The following SHCBP1L variants were observed in gnomAD, a reference collection of about 807,000 sequenced individuals.
SHCBP1L encodes SHC binding and spindle associated 1 like.
In SHCBP1L, 67 loss-of-function variants were observed where a neutral mutation model predicts 62.5. The observed-to-expected ratio is 1.07, with a 90% CI of 0.88 to 1.31. SHCBP1L has a LOEUF of 1.31. Ranked by LOEUF, SHCBP1L falls within the 40% of genes most tolerant of loss-of-function variation. The pLI is 0.00. For missense variants in SHCBP1L, 823 were observed against 809.8 expected (o/e 1.02, Z -0.20); for synonymous variants, 284 against 289.4 (o/e 0.98, Z 0.19).
chr1:182,949,620 C>G (rs1651681242), intron 2 of SHCBP1L, among the ~76,000 whole-genome samples: 1 of 151,440 alleles, frequency 6.6e-6, no homozygotes, highest in Non-Finnish European at 1.5e-5. Context: ...CTGCTTGAAA[C>G]CTAGAGGAAG....
intron 5 of SHCBP1L, among the ~76,000 whole-genome samples, chr1:182,933,346 C>T (rs965877950): frequency 6.6e-6 from 1 of 152,136 alleles, no homozygotes; most frequent in Non-Finnish European, 1.5e-5. Flanking sequence ...TGCCTAATTG[C>T]TCTGGCTAGA....
intron 6 of SHCBP1L, among the ~76,000 whole-genome samples, chr1:182,911,026 A>C (rs1266621307): frequency 6.6e-6 from 1 of 151,982 alleles, no homozygotes; most frequent in East Asian, 1.9e-4. Context: ...ACTAGCTGGG[A>C]TTACAGGTGT....
intron 2 of SHCBP1L, among the ~76,000 whole-genome samples, chr1:182,943,065 CA>C (rs1321841390): frequency 6.6e-6 from 1 of 151,938 alleles, no homozygotes; most frequent in Non-Finnish European, 1.5e-5. Context: ...AATATATTTC[CA>C]AAGAGTCATT....
chr1:182,919,312 C>A (rs1650450377), intron 6 of SHCBP1L, among the ~76,000 whole-genome samples: 1 of 152,168 alleles, frequency 6.6e-6, no homozygotes, highest in Admixed American at 6.5e-5. Context: ...ACCTTGCCTG[C>A]CACTTGGATC....
chr1:182,915,094 G>A lies in SHCBP1L; in HGVS notation c.1183-9445C>T, dbSNP rs140490076. 5.9e-3 allele frequency among the ~76,000 whole-genome samples: 847 copies of A among 144,296 alleles called. 7 individuals are homozygous for A. Among genetic ancestry groups the A allele is most frequent in the African/African-American group, 0.019 (739 of 38,448 alleles). The allele number at this position is 144,296 out of a possible 152,430, so 94.7% of individuals were successfully genotyped here. On this transcript the variant is annotated intron_variant, in intron 6 of 9. Coordinates refer to ENST00000367547, the MANE Select transcript of SHCBP1L (RefSeq NM_030933.4). ...GGAGAATCACTTGAACCTGGGAGGC[G>A]GAAGTTGCAGTGAGCTGAGATCGCA...
At chr1:182,925,755 C>T (rs765888233) in intron 6 of SHCBP1L, among the ~76,000 whole-genome samples, 29 of 152,222 alleles carry the variant, frequency 1.9e-4, no homozygotes, top group Non-Finnish European at 1.5e-4. Flanking sequence ...CTCTTGCACA[C>T]AGATGTTCAC....
At chr1:182,911,002 GC>G (rs1198523520) in intron 6 of SHCBP1L, among the ~76,000 whole-genome samples, 2 of 152,000 alleles carry the variant, frequency 1.3e-5, no homozygotes, top group Non-Finnish European at 2.9e-5. Flanking sequence ...CGATTCTCCT[GC>G]CTCAGCCTCC....
At chr1:182,912,110 C>T (rs796935618) in intron 6 of SHCBP1L, among the ~76,000 whole-genome samples, 8 of 152,278 alleles carry the variant, frequency 5.3e-5, no homozygotes, top group African/African-American at 1.9e-4. Context: ...TCTAATATTC[C>T]TGTGCTTTTC....
At chr1:182,924,701 G>GAAGAAAGAAAGACAGA (rs1650628204) in intron 6 of SHCBP1L, among the ~76,000 whole-genome samples, 1 of 33,354 alleles carries the variant, frequency 3.0e-5, no homozygotes, top group Non-Finnish European at 5.7e-5. Context: ...GAAAGGAAAG[G>GAAGAAAGAAAGACAGA]AAGAAAGAAA....
At chr1:182,937,046 C>T (rs527461931) in intron 5 of SHCBP1L, among the ~76,000 whole-genome samples, 3 of 151,622 alleles carry the variant, frequency 2.0e-5, no homozygotes, top group African/African-American at 7.3e-5. Flanking sequence ...AGGGCAAGAC[C>T]CTGTCTCAGA....
chr1:182,914,174 G>C (rs1362060351), intron 6 of SHCBP1L, among the ~76,000 whole-genome samples: 1 of 151,860 alleles, frequency 6.6e-6, no homozygotes, highest in Non-Finnish European at 1.5e-5. Context: ...TCTATATCTA[G>C]AAAAAATACC....
At chr1:182,913,352 C>T (rs1458978849) in intron 6 of SHCBP1L, among the ~76,000 whole-genome samples, 3 of 152,118 alleles carry the variant, frequency 2.0e-5, no homozygotes, top group Non-Finnish European at 4.4e-5. Context: ...GAATGTGACA[C>T]TATCTACTGT....
At chr1:182,905,738 T>C in intron 6 of SHCBP1L, 89 bp from the exon 7 acceptor site, 1 of 1,246,106 alleles carries the variant, frequency 8.0e-7, no homozygotes, top group Non-Finnish European at 1.1e-6. Flanking sequence ...CAAGTACTTT[T>C]CCCAAAAGAC....
chr1:182,905,551 T>G lies in SHCBP1L; in HGVS notation c.1281A>C (p.Pro427=). The G allele has an allele frequency of 6.2e-7, 1 of 1,613,810 alleles. No individual in the cohort carries two copies. The highest frequency in any genetic ancestry group is 2.2e-5 in the East Asian group (1 of 44,766). ...CAAGATTTGCAGCTTGATATTCTCC[T>G]GGAAAAATTATTACTGTATCTCCAC... ...CYSGDTVIIF[P]GEYQAANLAL... is the part of the protein sequence containing the mutation. The change falls in exon 7 of 10, where the codon CCA becomes CCC. Residue 427 remains proline, a synonymous_variant. Transcript: ENST00000367547.
intron 2 of SHCBP1L, chr1:182,950,476 G>C (rs1210138841): frequency 1.3e-5 from 2 of 151,870 alleles, no homozygotes; most frequent in Admixed American, 1.3e-4. Flanking sequence ...AGATCACAAG[G>C]TTAGGAGTTC....
intron 7 of SHCBP1L, among the ~76,000 whole-genome samples, chr1:182,904,863 C>T (rs1359212291): frequency 6.6e-6 from 1 of 152,010 alleles, no homozygotes; most frequent in Non-Finnish European, 1.5e-5. Flanking sequence ...TGTCCCACCT[C>T]AGCCTCCCAA....
intron 9 of SHCBP1L, 42 bp downstream of exon 9, chr1:182,902,997 A>G (rs1286662504): frequency 6.9e-7 from 1 of 1,447,736 alleles, no homozygotes; most frequent in Non-Finnish European, 9.3e-7. Flanking sequence ...ATAATTACTT[A>G]CAATTCTTAT....
At chr1:182,943,064 C>T (rs532320627) in intron 2 of SHCBP1L, among the ~76,000 whole-genome samples, 26 of 152,168 alleles carry the variant, frequency 1.7e-4, no homozygotes, top group Non-Finnish European at 3.7e-4. Context: ...AAATATATTT[C>T]CAAAGAGTCA....
At chr1:182,930,175 A>G (rs1274059055) in intron 5 of SHCBP1L, among the ~76,000 whole-genome samples, 1 of 152,192 alleles carries the variant, frequency 6.6e-6, no homozygotes, top group East Asian at 1.9e-4. Context: ...ATGCTCAATT[A>G]ATATATCGTT....
Sources: gnomAD v4.1 joint callset for allele counts (sites outside exome capture counted in the v4.1 genomes callset) on GRCh38, gnomAD v4.1.1 for gene constraint, MANE v1.5 for transcripts, NCBI Gene and HGNC (gene_info 2026-07-23, HGNC 2026-07-21) for gene names.